AUTS2: variants seen among roughly 807,000 people sequenced by gnomAD.
AUTS2 encodes the protein activator of transcription and developmental regulator AUTS2, also known as autism susceptibility gene 2 protein.
In AUTS2, 17 loss-of-function variants were observed where a neutral mutation model predicts 112.4. The observed-to-expected ratio is 0.15, with a 90% CI of 0.10 to 0.23. The LOEUF (loss-of-function observed/expected upper bound fraction) is 0.23. AUTS2 is among the 10% of genes least tolerant of loss of function. The probability of loss-of-function intolerance (pLI) is 1.00; values close to 1 mark genes in which losing one functional copy is unlikely to be tolerated. For missense variants in AUTS2, 1,510 were observed against 1,701.6 expected, an observed-to-expected ratio of 0.89 and a Z score of 1.98; for synonymous variants, 751 against 702.7, an observed-to-expected ratio of 1.07 and a Z score of -1.09.
chr7:70,435,804 G>A, intron 5 of AUTS2, 23 bp downstream of exon 5: 2 of 1,612,538 alleles, frequency 1.2e-6, no homozygotes. Context: ...CTCCCCCATT[G>A]TGGGCACAGC....
At chr7:70,546,981 C>T (rs1018232550) in intron 5 of AUTS2, among the ~76,000 whole-genome samples, 3 of 152,074 alleles carry the variant, frequency 2.0e-5, no homozygotes, top group Admixed American at 6.6e-5. Context: ...CTTACCAGCT[C>T]GTTTTAACAA....
At chr7:69,875,749 C>A (rs1340772538) in intron 1 of AUTS2, among the ~76,000 whole-genome samples, 1 of 152,204 alleles carries the variant, frequency 6.6e-6, no homozygotes, top group Non-Finnish European at 1.5e-5. Context: ...CAGGTTCAGA[C>A]TTTGGGACCC....
chr7:69,626,022 G>T (rs1793927892), intron 1 of AUTS2, among the ~76,000 whole-genome samples: 1 of 152,168 alleles, frequency 6.6e-6, no homozygotes, highest in South Asian at 2.1e-4. Flanking sequence ...GTGTTGAAAT[G>T]TTTACAGCTC....
intron 4 of AUTS2, among the ~76,000 whole-genome samples, chr7:70,241,990 C>A (rs548406483): frequency 5.9e-5 from 9 of 152,210 alleles, no homozygotes; most frequent in South Asian, 4.2e-4. Flanking sequence ...GTCAAAACAA[C>A]CTGTTCAGTT....
intron 6 of AUTS2, among the ~76,000 whole-genome samples, chr7:70,746,689 G>A (rs964529075): frequency 6.6e-6 from 1 of 152,128 alleles, no homozygotes; most frequent in African/African-American, 2.4e-5. Context: ...CAGGATCTTG[G>A]CGCACTGGAC....
At chr7:70,257,669 G>C (rs943622191) in intron 4 of AUTS2, among the ~76,000 whole-genome samples, 2 of 150,958 alleles carry the variant, frequency 1.3e-5, no homozygotes, top group Non-Finnish European at 1.5e-5. Context: ...TGTTACCCAG[G>C]CTGGTCTCAA....
chr7:70,107,843 C>G (rs1027068230), intron 2 of AUTS2, among the ~76,000 whole-genome samples: 1 of 151,054 alleles, frequency 6.6e-6, no homozygotes, highest in African/African-American at 2.4e-5. Context: ...GAAACCCCGT[C>G]TCTACTAAAA....
chr7:69,731,187 G>A (rs942422714), intron 1 of AUTS2, among the ~76,000 whole-genome samples: 1 of 152,162 alleles, frequency 6.6e-6, no homozygotes, highest in Admixed American at 6.5e-5. Context: ...AGCTATCTGG[G>A]GAACTGAGGT....
Position 70,766,380 on chromosome 7 carries a change from T to C in AUTS2, c.1689+46T>C, listed in dbSNP as rs1440431906. 4 of 1,603,432 alleles carry C rather than the reference T, an allele frequency of 2.5e-6. No homozygotes were observed. The highest frequency in any genetic ancestry group is 1.3e-5 in the African/African-American group (1 of 74,778). ...TGTGAGGATAAGTAGAGCACGACTC[T>C]TTTCTTTATGCAGCACGTGGGACCG... On this transcript the variant is annotated intron_variant, in intron 9 of 18. Transcript: ENST00000342771. The surrounding 1 kb of genome is among the most constrained non-coding windows in gnomAD (Gnocchi z 4.8).
intron 2 of AUTS2, among the ~76,000 whole-genome samples, chr7:70,055,162 C>T (rs1221921260): frequency 6.6e-6 from 1 of 152,064 alleles, no homozygotes; most frequent in African/African-American, 2.4e-5. Context: ...AGGCTGGGCA[C>T]GGTGGCTCAC....
intron 1 of AUTS2, among the ~76,000 whole-genome samples, chr7:69,679,004 A>G (rs1796686140): frequency 6.6e-6 from 1 of 152,200 alleles, no homozygotes; most frequent in Non-Finnish European, 1.5e-5. Flanking sequence ...GGAAGAAGGG[A>G]GATATCAGGA....
chr7:69,747,772 G>C lies in AUTS2; in HGVS notation c.309+147810G>C, dbSNP rs567734552. ...TATATGTATGTGTGTGACAGACAGA[G>C]AGAAGGAGAGGGGTGTGTGTGTGTG... On this transcript the variant is annotated intron_variant, in intron 1 of 18. Coordinates refer to ENST00000342771, the MANE Select transcript of AUTS2 (RefSeq NM_015570.4). Among the ~76,000 whole-genome samples, 76 of 143,674 alleles carry C rather than the reference G, an allele frequency of 5.3e-4. 1 individual carries two copies. Among genetic ancestry groups the C allele is most frequent in the South Asian group, 2.7e-3 (12 of 4,364 alleles). The allele number at this position is 143,674 out of a possible 152,430, so 94.3% of individuals were successfully genotyped here.
At chr7:69,651,794 T>C (rs1433480503) in intron 1 of AUTS2, among the ~76,000 whole-genome samples, 1 of 152,176 alleles carries the variant, frequency 6.6e-6, no homozygotes, top group African/African-American at 2.4e-5. Flanking sequence ...GTCAAATGGA[T>C]GGTAAAATCA....
chr7:70,078,188 CT>C (rs756813549), intron 2 of AUTS2, among the ~76,000 whole-genome samples: 2 of 151,984 alleles, frequency 1.3e-5, no homozygotes, highest in Non-Finnish European at 2.9e-5. Flanking sequence ...CAGTGGATAC[CT>C]GAAACTGTGG....
intron 4 of AUTS2, among the ~76,000 whole-genome samples, chr7:70,271,542 T>TA (rs943106773): frequency 2.0e-5 from 3 of 152,150 alleles, no homozygotes; most frequent in Non-Finnish European, 4.4e-5. Context: ...ACAGGGTTTA[T>TA]AAAAAAAGAT....
chr7:70,385,014 G>C (rs903189504), intron 4 of AUTS2, among the ~76,000 whole-genome samples: 1 of 152,098 alleles, frequency 6.6e-6, no homozygotes, highest in South Asian at 2.1e-4. Flanking sequence ...TTTTCCCTGC[G>C]TTTCTAGGAT....
intron 4 of AUTS2, among the ~76,000 whole-genome samples, chr7:70,347,579 G>C (rs1195240614): frequency 6.6e-6 from 1 of 152,144 alleles, no homozygotes; most frequent in Non-Finnish European, 1.5e-5. Context: ...AAGCAGAAGA[G>C]AACCCCAGCC....
Position 70,462,669 on chromosome 7 carries a change from A to T in AUTS2, c.690+26888A>T, listed in dbSNP as rs1343735975. Among the ~76,000 whole-genome samples the T allele has an allele frequency of 2.0e-5, 3 of 152,100 alleles. No individual in the cohort carries two copies. The East Asian group carries it at 5.8e-4, about 29-fold the overall frequency. On this transcript the variant is annotated intron_variant, in intron 5 of 18. Coordinates refer to ENST00000342771, the MANE Select transcript of AUTS2 (RefSeq NM_015570.4). ...CCACTGGATGTTGCCACTAAAAAAA[A>T]ATCTAGGCTGGGTGCAGTGGCTCAC...
At chr7:69,616,829 C>T (rs1793406523) in intron 1 of AUTS2, among the ~76,000 whole-genome samples, 1 of 152,014 alleles carries the variant, frequency 6.6e-6, no homozygotes, top group South Asian at 2.1e-4. Flanking sequence ...CAGAACTCCA[C>T]CTTTACCTGT....
Sources: gnomAD v4.1 joint callset for allele counts (sites outside exome capture counted in the v4.1 genomes callset) on GRCh38, gnomAD v4.1.1 for gene constraint, Gnocchi (gnomAD v3.1) non-coding constraint, MANE v1.5 for transcripts, NCBI Gene and HGNC (gene_info 2026-07-23, HGNC 2026-07-21) for gene names.